CLASP2: variants seen among roughly 807,000 people sequenced by gnomAD.
CLASP2 encodes cytoplasmic linker associated protein 2.
A neutral mutation model predicts 194.4 loss-of-function variants in CLASP2; 47 were observed. That is an observed-to-expected ratio of 0.24 (90% CI 0.19 to 0.31). The LOEUF is 0.31. Among genes scored for constraint, CLASP2 ranks in the 10% least tolerant of loss-of-function variants. CLASP2 has a pLI of 1.00. For missense variants in CLASP2, 1,445 were observed against 1,823.6 expected (o/e 0.79, Z 3.78); for synonymous variants, 619 against 633.5 (o/e 0.98, Z 0.34).
At chr3:33,672,877 A>G (rs1475623632) in intron 6 of CLASP2, among the ~76,000 whole-genome samples, 3 of 152,198 alleles carry the variant, frequency 2.0e-5, no homozygotes, top group African/African-American at 7.2e-5. Flanking sequence ...TGAAGCAAGA[A>G]GGGAAGTTTA....
intron 6 of CLASP2, among the ~76,000 whole-genome samples, chr3:33,680,528 GC>G (rs768090223): frequency 9.2e-5 from 14 of 152,160 alleles, no homozygotes; most frequent in Non-Finnish European, 1.6e-4. Context: ...ATAAAGTCTA[GC>G]CAGGCATGGT....
intron 24 of CLASP2, among the ~76,000 whole-genome samples, chr3:33,575,404 TA>T (rs761358490): frequency 9.9e-5 from 15 of 152,232 alleles, no homozygotes; most frequent in Non-Finnish European, 1.8e-4. Flanking sequence ...TTAGGAAGCA[TA>T]TTTTTTTTTA....
At chr3:33,686,532 A>C (rs2090697363) in intron 5 of CLASP2, among the ~76,000 whole-genome samples, 1 of 152,178 alleles carries the variant, frequency 6.6e-6, no homozygotes, top group Non-Finnish European at 1.5e-5. Context: ...GAGGTAGAAC[A>C]GTTTCATCCC....
At chr3:33,541,966 G>A (rs558387036) in intron 32 of CLASP2, among the ~76,000 whole-genome samples, 114 of 152,268 alleles carry the variant, frequency 7.5e-4, no homozygotes, top group Middle Eastern at 3.4e-3. Flanking sequence ...TAGTGTAAAA[G>A]TGTTCCTTTT....
intron 6 of CLASP2, among the ~76,000 whole-genome samples, chr3:33,669,099 T>A (rs1272959629): frequency 6.6e-6 from 1 of 152,240 alleles, no homozygotes; most frequent in Non-Finnish European, 1.5e-5. Context: ...TTATAGGTCA[T>A]CATTTTGAGC....
intron 32 of CLASP2, among the ~76,000 whole-genome samples, chr3:33,540,775 T>C (rs2058213001): frequency 1.3e-5 from 1 of 77,898 alleles, no homozygotes; most frequent in Non-Finnish European, 3.2e-5. Context: ...ATACCAACTC[T>C]TTTTTTTTTT....
Position 33,584,917 on chromosome 3 carries a change from C to T in CLASP2, c.2072G>A (p.Gly691Asp), listed in dbSNP as rs2067011294. The stretch of plus-strand genomic sequence containing the variant: ...TCTTCCTGGAGACCCAGACCGGCTA[C>T]CAGCTGAACACCAAACACATATACA... The part of the protein sequence containing the change: ...RTKMVSQSQP[G>D]SRSGSPGRVL... Residue 691 changes from glycine to aspartate, a missense_variant, in exon 22 of 39, where the codon GGT becomes GAT. By Grantham distance (94) the Gly-to-Asp change is moderately conservative. Around this residue, in one of 4 missense-constraint regions of CLASP2, gnomAD observed 732 missense variants for 987.9 expected, o/e 0.74. Coordinates refer to ENST00000682230, the MANE Select transcript of CLASP2 (RefSeq NM_001365631.1). The T allele has an allele frequency of 6.2e-7, 1 of 1,609,630 alleles. No homozygotes were observed. Among genetic ancestry groups the T allele is most frequent in the South Asian group, 1.1e-5 (1 of 90,060 alleles).
At chr3:33,520,066 T>C (rs1481607223) in intron 34 of CLASP2, among the ~76,000 whole-genome samples, 1 of 152,160 alleles carries the variant, frequency 6.6e-6, no homozygotes, top group Non-Finnish European at 1.5e-5. Flanking sequence ...CAGGCTGGAG[T>C]GCACTGGCGT....
In CLASP2 at chr3:33,551,218, C is replaced by A. The variant is rs1049495687; in HGVS notation, c.3153+34G>T. 4 of 1,566,220 alleles carry A rather than the reference C, an allele frequency of 2.6e-6. No homozygotes were observed. The African/African-American group carries it at 5.4e-5, about 21-fold the overall frequency. On this transcript the variant is annotated intron_variant, in intron 30 of 38. Transcript: ENST00000682230. ...ATCCATAATAACTGACTTGCTTTCC[C>A]AATTTATCTTCTAAACCTCATATTA... is the stretch of plus-strand genomic sequence containing the variant.
intron 10 of CLASP2, among the ~76,000 whole-genome samples, chr3:33,625,543 G>T (rs1577380816): frequency 1.4e-5 from 2 of 147,330 alleles, no homozygotes; most frequent in African/African-American, 2.5e-5. Flanking sequence ...TCTAAGTAAT[G>T]TATCAAGTAT....
chr3:33,568,291 G>A (rs1298237294), intron 26 of CLASP2, among the ~76,000 whole-genome samples: 1 of 151,908 alleles, frequency 6.6e-6, no homozygotes. Flanking sequence ...GGTGGCTCAC[G>A]CTTGTCATCA....
At chr3:33,529,636 A>T (rs745449112) in intron 34 of CLASP2, among the ~76,000 whole-genome samples, 3 of 152,194 alleles carry the variant, frequency 2.0e-5, no homozygotes, top group Non-Finnish European at 4.4e-5. Flanking sequence ...GTCTAGTCCT[A>T]CACAGGGTCA....
chr3:33,697,998 C>G (rs372487624), intron 1 of CLASP2, among the ~76,000 whole-genome samples: 1 of 152,312 alleles, frequency 6.6e-6, no homozygotes, highest in South Asian at 2.1e-4. Context: ...CTTACAGGCT[C>G]TAGTTCACAC....
chr3:33,560,365 C>T (rs923485995), intron 28 of CLASP2, among the ~76,000 whole-genome samples: 2 of 151,956 alleles, frequency 1.3e-5, no homozygotes, highest in Non-Finnish European at 2.9e-5. Flanking sequence ...TCCTCAGCCT[C>T]TGGAGTAGCT....
chr3:33,717,977 A>G lies in CLASP2; in HGVS notation c.26T>C (p.Phe9Ser). 6.5e-7 allele frequency: 1 copy of G among 1,537,566 alleles called. No homozygotes were observed. Among genetic ancestry groups the G allele is most frequent in the Non-Finnish European group, 8.7e-7 (1 of 1,144,576 alleles). MEPRSMEY[F>S]CAQVQQKDVG... Reference sequence around the variant, plus strand: ...GTCCTTCTGCTGCACCTGGGCGCAGAAGTACTCCATGCTGCGGGGCTCCAT... The same window carrying G: ...GTCCTTCTGCTGCACCTGGGCGCAGGAGTACTCCATGCTGCGGGGCTCCAT... Residue 9 changes from phenylalanine (F) to serine (S), a missense_variant, in exon 1 of 39, where the codon TTC becomes TCC. Around this residue, in one of 4 missense-constraint regions of CLASP2, gnomAD observed 332 missense variants for 325.3 expected, o/e 1.02. Transcript: ENST00000682230.
At chr3:33,506,555 T>C (rs1317873724) in intron 37 of CLASP2, among the ~76,000 whole-genome samples, 1 of 152,128 alleles carries the variant, frequency 6.6e-6, no homozygotes, top group East Asian at 1.9e-4. Flanking sequence ...AAGTTGATTC[T>C]ATTCATTTTT....
At chr3:33,545,023 C>CTTT in intron 30 of CLASP2, 182 bp from the exon 31 acceptor site, 8 of 351,700 alleles carry the variant, frequency 2.3e-5, no homozygotes, top group East Asian at 4.6e-5. Flanking sequence ...ATTGACCTAC[C>CTTT]TTTTTTTTTT....
chr3:33,584,617 T>C (rs1233836184), intron 22 of CLASP2, 133 bp downstream of exon 22: 1 of 822,230 alleles, frequency 1.2e-6, no homozygotes. Context: ...ATTCTTCAAT[T>C]GTTGAATTTT....
intron 7 of CLASP2, among the ~76,000 whole-genome samples, chr3:33,656,667 T>C (rs1401508021): frequency 2.6e-5 from 4 of 152,192 alleles, no homozygotes; most frequent in Admixed American, 2.6e-4. Context: ...CAAACACATG[T>C]AGTTTGTACA....
Sources: allele counts gnomAD v4.1 joint callset (sites outside exome capture counted in the v4.1 genomes callset), GRCh38; gene constraint gnomAD v4.1.1; regional missense constraint gnomAD v4.1.1; transcripts MANE v1.5; gene names NCBI Gene and HGNC (gene_info 2026-07-23, HGNC 2026-07-21).